The following EBF3 variants were observed in gnomAD, a reference collection of about 807,000 sequenced individuals.
EBF3 encodes the protein EBF transcription factor 3, also known as transcription factor COE3.
EBF3 carries 18 observed loss-of-function variants against 77.1 expected under a neutral mutation model. The ratio of observed to expected loss-of-function variants is 0.23; its 90% CI spans 0.16 to 0.35. The LOEUF (loss-of-function observed/expected upper bound fraction) is 0.35, where lower values mean the gene tolerates loss of function less well. Among genes scored for constraint, EBF3 ranks in the 10% least tolerant of loss-of-function variants. The pLI, the probability that EBF3 is intolerant of heterozygous loss-of-function variation, is 1.00. For missense variants in EBF3, 558 were observed against 860.0 expected (o/e 0.65, Z 4.39); for synonymous variants, 350 against 343.5 (o/e 1.02, Z -0.21).
At chr10:129,898,520 A>T (rs967803108) in intron 6 of EBF3, among the ~76,000 whole-genome samples, 7 of 152,218 alleles carry the variant, frequency 4.6e-5, no homozygotes, top group African/African-American at 1.7e-4. Context: ...ACCCCAACCC[A>T]GAAGGATGGC....
At chr10:129,878,805 C>A (rs903841584) in intron 6 of EBF3, among the ~76,000 whole-genome samples, 1 of 88,762 alleles carries the variant, frequency 1.1e-5, no homozygotes, top group Non-Finnish European at 2.2e-5. Context: ...GCCTGGGCAA[C>A]ACAGTGAAAA....
At chr10:129,838,633 G>T (rs1463176594) in intron 16 of EBF3, among the ~76,000 whole-genome samples, 1 of 152,218 alleles carries the variant, frequency 6.6e-6, no homozygotes, top group Non-Finnish European at 1.5e-5. Context: ...AACTTTGCAC[G>T]AAAACGCCAA....
chr10:129,859,225 T>A (rs1022759838), intron 10 of EBF3, among the ~76,000 whole-genome samples: 1 of 152,244 alleles, frequency 6.6e-6, no homozygotes, highest in Non-Finnish European at 1.5e-5. Flanking sequence ...CATTTTGCTT[T>A]TTTTTTGTTT....
At chr10:129,869,605 G>GTTA (rs1852273449) in intron 8 of EBF3, among the ~76,000 whole-genome samples, 1 of 152,222 alleles carries the variant, frequency 6.6e-6, no homozygotes, top group African/African-American at 2.4e-5. Flanking sequence ...CCCGCGTGCC[G>GTTA]TGGTTTCCCT....
chr10:129,961,462 A>C (rs1189624068), intron 4 of EBF3, among the ~76,000 whole-genome samples: 1 of 152,264 alleles, frequency 6.6e-6, no homozygotes, highest in African/African-American at 2.4e-5. Context: ...TAATCACATT[A>C]CTGATAGCCA....
rs538628576 is a variant in EBF3, at chr10:129,878,661, C to CAA, written c.555-814_555-813dup. ...TGGTTGACAGCTCAAGGCTCTGTCTCAAAAAAAAAAAAAAAAAAAAAAGAG... is the reference window on the plus strand; with the variant it reads ...TGGTTGACAGCTCAAGGCTCTGTCTCAAAAAAAAAAAAAAAAAAAAAAAAGAG... On this transcript the variant is annotated intron_variant, in intron 6 of 16. Transcript: ENST00000440978. 4.7e-3 allele frequency among the ~76,000 whole-genome samples: 161 copies of CAA among 33,978 alleles called. 2 individuals carry two copies. The highest frequency in any genetic ancestry group is 5.8e-3 in the Non-Finnish European group (110 of 18,882). 22.3% of individuals were successfully genotyped at this position (33,978 alleles called of 152,430 possible). A position where few individuals can be genotyped will look rare whatever the true frequency, so the allele number is the denominator to read the frequency against.
At chr10:129,904,458 A>G (rs1854993912) in intron 6 of EBF3, among the ~76,000 whole-genome samples, 1 of 152,142 alleles carries the variant, frequency 6.6e-6, no homozygotes, top group African/African-American at 2.4e-5. Context: ...AAATGGATGG[A>G]TGGACAGACA....
chr10:129,937,430 C>T (rs1355077924), intron 6 of EBF3, among the ~76,000 whole-genome samples: 2 of 152,102 alleles, frequency 1.3e-5, no homozygotes. Flanking sequence ...CTAGTGGTGA[C>T]AGCAAGAAAA....
intron 6 of EBF3, among the ~76,000 whole-genome samples, chr10:129,932,600 T>C (rs893758415): frequency 2.1e-4 from 32 of 152,332 alleles, no homozygotes; most frequent in Middle Eastern, 6.8e-3. Flanking sequence ...AGGGGGCACA[T>C]GGTGTATGTA....
rs528728436 is a variant in EBF3 at position 129,905,441 on chromosome 10, ATC to A, written c.555-27594_555-27593del. On this transcript the variant is annotated intron_variant, in intron 6 of 16. Transcript: ENST00000440978. The stretch of plus-strand genomic sequence containing the variant: ...TTATATTTTATATTATAAAAATATT[ATC>A]TCTTTTTACTTTGTTAGTGTGGTTA... Among the ~76,000 whole-genome samples the A allele has an allele frequency of 2.3e-3, 337 of 149,714 alleles. 1 individual carries two copies. The highest frequency in any genetic ancestry group is 8.0e-3 in the African/African-American group (313 of 39,152).
At chr10:129,859,877 T>C (rs1851500675) in intron 10 of EBF3, among the ~76,000 whole-genome samples, 1 of 151,992 alleles carries the variant, frequency 6.6e-6, no homozygotes, top group African/African-American at 2.4e-5. Flanking sequence ...AGAGGCAGTG[T>C]TTGGTTCTTG....
intron 10 of EBF3, among the ~76,000 whole-genome samples, chr10:129,850,501 C>T (rs1222614872): frequency 1.3e-5 from 2 of 152,204 alleles, no homozygotes; most frequent in East Asian, 3.9e-4. Flanking sequence ...GCGCGGCACT[C>T]CATTGGAAGT....
Position 129,963,760 on chromosome 10 carries a change from C to T in EBF3, c.9G>A (p.Gly3=), listed in dbSNP as rs751913527. Reference sequence around the variant, plus strand: ...CCCCGCGCGGAATATTCTCCTGAATCCCAAACATGAAAACTGCTGGCGGCG... The same window carrying T: ...CCCCGCGCGGAATATTCTCCTGAATTCCAAACATGAAAACTGCTGGCGGCG... MF[G]IQENIPRGGT... is the part of the protein sequence containing the mutation. Residue 3 remains glycine (G), a synonymous_variant, in exon 1 of 17, where the codon GGG becomes GGA. Transcript: ENST00000440978. This position sits in a 1 kb window ranked among gnomAD's most constrained non-coding sequence, Gnocchi z 7.1. 2.0e-6 allele frequency: 3 copies of T among 1,523,146 alleles called. No individual in the cohort carries two copies. Among genetic ancestry groups the T allele is most frequent in the South Asian group, 1.1e-5 (1 of 87,660 alleles). 94.4% of individuals were successfully genotyped at this position (1,523,146 alleles called of 1,614,324 possible).
At chr10:129,873,884 T>C (rs1852577091) in intron 7 of EBF3, among the ~76,000 whole-genome samples, 1 of 152,234 alleles carries the variant, frequency 6.6e-6, no homozygotes, top group Non-Finnish European at 1.5e-5. Context: ...AGAAATATTC[T>C]TCTAGCCATT....
At chr10:129,851,938 C>G (rs1733609760) in intron 10 of EBF3, among the ~76,000 whole-genome samples, 1 of 152,186 alleles carries the variant, frequency 6.6e-6, no homozygotes, top group Non-Finnish European at 1.5e-5. Context: ...CTACCGCGGC[C>G]TAATGCATAG....
At position 129,842,394 on chromosome 10, in the gene EBF3, C is replaced by A; in HGVS notation, c.1195-101G>T. On this transcript the variant is annotated intron_variant, in intron 12 of 16. Coordinates refer to ENST00000440978, the MANE Select transcript of EBF3 (RefSeq NM_001375380.1). This position sits in a 1 kb window ranked among gnomAD's most constrained non-coding sequence, Gnocchi z 4.4. ...ATGGTGGCATCCCACTGTCCCTTGC[C>A]CAGACCATGACCAAATCTATTTCTT... 3 of 1,361,600 alleles carry A rather than the reference C, an allele frequency of 2.2e-6. No homozygotes were observed. The highest frequency in any genetic ancestry group is 3.0e-6 in the Non-Finnish European group (3 of 1,011,646). The allele number at this position is 1,361,600 out of a possible 1,614,324, so 84.3% of individuals were successfully genotyped here.
chr10:129,841,470 C>T lies in EBF3; in HGVS notation c.1373-438G>A, dbSNP rs1042827108. On this transcript the variant is annotated intron_variant, in intron 13 of 16. Coordinates refer to ENST00000440978, the MANE Select transcript of EBF3 (RefSeq NM_001375380.1). This position sits in a 1 kb window ranked among gnomAD's most constrained non-coding sequence, Gnocchi z 4.6. The stretch of plus-strand genomic sequence containing the variant: ...GTCTTCATTTGTATGGTTGTTATTT[C>T]TATACATGGGGGCGTTCGGGGGACA... 2.6e-5 allele frequency among the ~76,000 whole-genome samples: 4 copies of T among 152,132 alleles called. No individual in the cohort carries two copies. Among genetic ancestry groups the T allele is most frequent in the African/African-American group, 9.7e-5 (4 of 41,428 alleles).
Position 129,962,835 on chromosome 10 carries a change from G to C in EBF3, c.355+107C>G, listed in dbSNP as rs1859630777. ...TCCTTCTATGCCATGAGAAGATTTC[G>C]TGTTTACATCCATGTCATTTTAATC... On this transcript the variant is annotated intron_variant, in intron 3 of 16. Coordinates refer to ENST00000440978, the MANE Select transcript of EBF3 (RefSeq NM_001375380.1). 12 of 1,311,130 alleles carry C rather than the reference G, an allele frequency of 9.2e-6. No homozygotes were observed. The East Asian group carries it at 2.4e-4, about 26-fold the overall frequency. The allele number at this position is 1,311,130 out of a possible 1,614,324, so 81.2% of individuals were successfully genotyped here.
At chr10:129,915,545 C>G (rs760933185) in intron 6 of EBF3, among the ~76,000 whole-genome samples, 1 of 151,946 alleles carries the variant, frequency 6.6e-6, no homozygotes, top group African/African-American at 2.4e-5. Flanking sequence ...AGTCGGGGAG[C>G]CCATTCTTGC....
Sources: allele counts gnomAD v4.1 joint callset (sites outside exome capture counted in the v4.1 genomes callset), GRCh38; gene constraint gnomAD v4.1.1; non-coding constraint Gnocchi (gnomAD v3.1); transcripts MANE v1.5; gene names NCBI Gene and HGNC (gene_info 2026-07-23, HGNC 2026-07-21).